The following PDS5B variants were observed in gnomAD, a reference collection of about 807,000 sequenced individuals.
PDS5B encodes PDS5 cohesin associated factor B.
Under a neutral mutation model 184.1 loss-of-function variants are expected in PDS5B, and 51 were observed. The ratio of observed to expected loss-of-function variants is 0.28; its 90% CI spans 0.22 to 0.35. The LOEUF (loss-of-function observed/expected upper bound fraction) is 0.35, where lower values mean the gene tolerates loss of function less well. Ranked by LOEUF, PDS5B falls within the 10% of genes least tolerant of loss-of-function variation. The pLI, the probability that PDS5B is intolerant of heterozygous loss-of-function variation, is 1.00. For missense variants in PDS5B, 1,180 were observed against 1,723.3 expected (o/e 0.68, Z 5.58); for synonymous variants, 566 against 569.2 (o/e 0.99, Z 0.08).
chr13:32,688,842 C>T (rs1156457006), intron 13 of PDS5B: 1 of 367,944 alleles, frequency 2.7e-6, no homozygotes, highest in Non-Finnish European at 5.0e-6. Context: ...TCTCAAGAAA[C>T]GTTGATGTAC....
intron 27 of PDS5B, 88 bp from the exon 28 acceptor site, chr13:32,758,446 C>G: frequency 7.7e-7 from 1 of 1,303,008 alleles, no homozygotes; most frequent in South Asian, 1.4e-5. Context: ...GCTATTCAGA[C>G]TGGATTCATG....
intron 6 of PDS5B, among the ~76,000 whole-genome samples, chr13:32,665,937 G>A (rs1950783695): frequency 6.6e-6 from 1 of 152,122 alleles, no homozygotes; most frequent in Non-Finnish European, 1.5e-5. Context: ...CACTCGTGGG[G>A]GCTAAAGAAA....
intron 1 of PDS5B, among the ~76,000 whole-genome samples, chr13:32,640,400 C>T (rs1454469351): frequency 6.6e-6 from 1 of 152,282 alleles, no homozygotes; most frequent in East Asian, 1.9e-4. Flanking sequence ...GCATGCGCCA[C>T]CATGCCCAGC....
At chr13:32,753,632 A>T (rs1954066483) in intron 25 of PDS5B, 96 bp downstream of exon 25, 1 of 740,796 alleles carries the variant, frequency 1.3e-6, no homozygotes, top group South Asian at 2.9e-5. Context: ...GTTATTTATT[A>T]TTTGTGATTA....
chr13:32,674,529 A>G (rs1951017377), intron 8 of PDS5B, among the ~76,000 whole-genome samples: 1 of 152,004 alleles, frequency 6.6e-6, no homozygotes, highest in African/African-American at 2.4e-5. Flanking sequence ...TTCTGAAGTA[A>G]AAATATTGAG....
At chr13:32,715,569 A>G (rs1473332794) in intron 19 of PDS5B, among the ~76,000 whole-genome samples, 1 of 152,216 alleles carries the variant, frequency 6.6e-6, no homozygotes, top group African/African-American at 2.4e-5. Flanking sequence ...AAAACCTAAC[A>G]GACTCTAGTT....
intron 19 of PDS5B, among the ~76,000 whole-genome samples, chr13:32,720,046 C>G (rs1422876643): frequency 6.6e-6 from 1 of 151,792 alleles, no homozygotes; most frequent in African/African-American, 2.4e-5. Context: ...AATCTGTCCG[C>G]CTTGGCCTCC....
chr13:32,639,973 A>G (rs983961633), intron 1 of PDS5B, among the ~76,000 whole-genome samples: 2 of 152,218 alleles, frequency 1.3e-5, no homozygotes, highest in East Asian at 3.8e-4. Context: ...GCCTAAATCA[A>G]CTAAAAAATA....
chr13:32,603,056 C>T (rs2058003356), intron 1 of PDS5B, among the ~76,000 whole-genome samples: 1 of 152,216 alleles, frequency 6.6e-6, no homozygotes, highest in African/African-American at 2.4e-5. Flanking sequence ...CCTGTTCACT[C>T]TGATGGTAGT....
chr13:32,634,013 C>T (rs2058498984), intron 1 of PDS5B, among the ~76,000 whole-genome samples: 2 of 152,144 alleles, frequency 1.3e-5, no homozygotes, highest in Admixed American at 1.3e-4. Context: ...CTATACTTCT[C>T]TCCTGTTTTC....
chr13:32,775,308 A>G lies in PDS5B; in HGVS notation c.*256A>G. On this transcript the variant is annotated 3_prime_UTR_variant, in exon 35 of 35. Coordinates refer to ENST00000315596, the MANE Select transcript of PDS5B (RefSeq NM_015032.4). ...GTAGACATAAAGAAGAAACTTGTAA[A>G]TATCTTTTTTCTTTTTTTTAATGTT... 2.1e-6 allele frequency: 1 copy of G among 476,942 alleles called. No homozygotes were observed. The highest frequency in any genetic ancestry group is 3.7e-6 in the Non-Finnish European group (1 of 270,202). The allele number at this position is 476,942 out of a possible 1,614,324, so 29.5% of individuals were successfully genotyped here. A position where few individuals can be genotyped will look rare whatever the true frequency, so the allele number is the denominator to read the frequency against.
At chr13:32,656,671 A>T (rs113902464) in intron 3 of PDS5B, among the ~76,000 whole-genome samples, 7,269 of 148,882 alleles carry the variant, frequency 0.049, 487 homozygotes, top group African/African-American at 0.16. Flanking sequence ...ATCTTGGCTC[A>T]CTACAGTCTT....
At chr13:32,634,708 C>A (rs944668360) in intron 1 of PDS5B, among the ~76,000 whole-genome samples, 1 of 151,592 alleles carries the variant, frequency 6.6e-6, no homozygotes, top group Non-Finnish European at 1.5e-5. Flanking sequence ...CTCAGCCTCC[C>A]GAGTAGCGGG....
intron 6 of PDS5B, among the ~76,000 whole-genome samples, chr13:32,660,666 G>T (rs561847767): frequency 6.6e-6 from 1 of 152,182 alleles, no homozygotes; most frequent in East Asian, 1.9e-4. Context: ...GCCTCCATCC[G>T]TTGATTGTCG....
At chr13:32,624,513 G>A (rs939626061) in intron 1 of PDS5B, among the ~76,000 whole-genome samples, 2 of 152,154 alleles carry the variant, frequency 1.3e-5, no homozygotes, top group East Asian at 3.8e-4. Context: ...GTTGCTTGCT[G>A]ATTTTGTGAT....
Position 32,759,658 on chromosome 13 carries a change from C to T in PDS5B, c.3340C>T (p.Pro1114Ser). ...NFSNTKNYLPPEMKSFFTPGK... is the reference protein window; with the variant it reads ...NFSNTKNYLPSEMKSFFTPGK... ...CAGTAACACCAAAAATTATCTGCCTCCTGAAATGAAATCATTTTTCACTCC... is the reference window on the plus strand; with the variant it reads ...CAGTAACACCAAAAATTATCTGCCTTCTGAAATGAAATCATTTTTCACTCC... The change falls in exon 29 of 35, where the codon CCT becomes TCT. Residue 1114 changes from proline (P) to serine (S), a missense_variant. By Grantham distance (74) the Pro-to-Ser change is moderately conservative. Transcript: ENST00000315596. 6.4e-7 allele frequency: 1 copy of T among 1,564,308 alleles called. No homozygotes were observed. The highest frequency in any genetic ancestry group is 1.4e-5 in the African/African-American group (1 of 73,852).
At chr13:32,756,679 A>G (rs1381703890) in intron 26 of PDS5B, among the ~76,000 whole-genome samples, 2 of 152,198 alleles carry the variant, frequency 1.3e-5, no homozygotes, top group Non-Finnish European at 2.9e-5. Flanking sequence ...TTATATTAAA[A>G]TGTTTCTTAA....
intron 8 of PDS5B, among the ~76,000 whole-genome samples, chr13:32,673,821 A>T (rs1292631438): frequency 6.6e-6 from 1 of 151,316 alleles, no homozygotes; most frequent in African/African-American, 2.4e-5. Flanking sequence ...TGAATTTTTT[A>T]TTTTTTTGAG....
rs10627700 is a variant in PDS5B, at chr13:32,652,577, T to TAAA, written c.312+591_312+593dup. On this transcript the variant is annotated intron_variant, in intron 3 of 34. Coordinates refer to ENST00000315596, the MANE Select transcript of PDS5B (RefSeq NM_015032.4). ...ACATAGCAAGGCGTTGTCTCTACTT[T>TAAA]AAAAAAAAAAAAAAAAAAAAAAAGG... The TAAA allele has an allele frequency of 9.4e-3, 1,126 of 119,808 alleles. 19 individuals carry two copies. The highest frequency in any genetic ancestry group is 0.028 in the African/African-American group (819 of 29,582). The allele number at this position is 119,808 out of a possible 1,614,324, so 7.4% of individuals were successfully genotyped here.
Sources: allele counts gnomAD v4.1 joint callset (sites outside exome capture counted in the v4.1 genomes callset), GRCh38; gene constraint gnomAD v4.1.1; transcripts MANE v1.5; gene names NCBI Gene and HGNC (gene_info 2026-07-23, HGNC 2026-07-21).